DERL2: variants seen among roughly 807,000 people sequenced by gnomAD.
DERL2 encodes the protein derlin-2.
A neutral mutation model predicts 32.0 loss-of-function variants in DERL2; 13 were observed. The observed-to-expected ratio is 0.41, with a 90% CI of 0.26 to 0.65. DERL2 has a LOEUF of 0.65. Ranked by LOEUF, DERL2 falls within the 30% of genes least tolerant of loss-of-function variation. The pLI is 0.35. For synonymous variants in DERL2, 111 were observed against 104.7 expected (o/e 1.06, Z -0.37); for missense variants, 208 against 296.3 (o/e 0.70, Z 2.19).
At position 5,480,388 on chromosome 17, in the gene DERL2, C is replaced by T. The variant is rs1237506433; in HGVS notation, c.522G>A (p.Leu174=). The change falls in exon 5 of 7, where the codon TTG becomes TTA. Residue 174 remains leucine (L), a splice_region_variant and synonymous_variant. Coordinates refer to ENST00000158771, the MANE Select transcript of DERL2 (RefSeq NM_016041.5). ...LLGNSIIVDL[L]GIAVGHIYFF... ...AAAAAATAGTGAGAAGAGCCTTACCCAAAAGGTCCACAATGATTGAGTTCC... is the reference window on the plus strand; with the variant it reads ...AAAAAATAGTGAGAAGAGCCTTACCTAAAAGGTCCACAATGATTGAGTTCC... 6.2e-7 allele frequency: 1 copy of T among 1,610,060 alleles called. No individual in the cohort carries two copies. The highest frequency in any genetic ancestry group is 1.1e-5 in the South Asian group (1 of 89,914).
intron 1 of DERL2, 40 bp downstream of exon 1, chr17:5,486,029 C>T (rs1906242994): frequency 3.8e-6 from 6 of 1,584,952 alleles, no homozygotes; most frequent in Non-Finnish European, 5.2e-6. Flanking sequence ...CCAGTCATAT[C>T]CAGCCCAGAT....
intron 1 of DERL2, among the ~76,000 whole-genome samples, chr17:5,485,674 G>A (rs934840160): frequency 6.6e-6 from 1 of 152,100 alleles, no homozygotes; most frequent in Non-Finnish European, 1.5e-5. Flanking sequence ...TTTATTATAA[G>A]CCATTCCCCT....
In DERL2 at chr17:5,481,715, T is replaced by C. The variant is rs1905797137; in HGVS notation, c.234-326A>G. Among the ~76,000 whole-genome samples, 1 of 151,978 alleles carries C rather than the reference T, an allele frequency of 6.6e-6. No individual in the cohort carries two copies. ...CCTAGGATGGAGTGCAATGGTGCCA[T>C]ATCGGCTCACTGCAAGCTCCGCCTC... On this transcript the variant is annotated intron_variant, in intron 3 of 6. Transcript: ENST00000158771. This position sits in a 1 kb window ranked among gnomAD's most constrained non-coding sequence, Gnocchi z 4.4.
rs1212899199 is a variant in DERL2 at position 5,471,937 on chromosome 17, A to G, written c.*2747T>C. On this transcript the variant is annotated 3_prime_UTR_variant, in exon 7 of 7. Coordinates refer to ENST00000158771, the MANE Select transcript of DERL2 (RefSeq NM_016041.5). The stretch of plus-strand genomic sequence containing the variant: ...AGAGGCCCCAGAGACTGAGGGTTTC[A>G]TTATCCAGACCCAGGACTTAGGTGT... The G allele has an allele frequency of 6.6e-6, 1 of 152,246 alleles. No homozygotes were observed. Among genetic ancestry groups the G allele is most frequent in the African/African-American group, 2.4e-5 (1 of 41,446 alleles). 9.4% of individuals were successfully genotyped at this position (152,246 alleles called of 1,614,324 possible). A position where few individuals can be genotyped will look rare whatever the true frequency, so the allele number is the denominator to read the frequency against.
intron 4 of DERL2, chr17:5,480,884 G>A (rs1403210907): frequency 1.9e-5 from 9 of 462,314 alleles, no homozygotes; most frequent in East Asian, 3.4e-5. Flanking sequence ...GCTTGCTCAC[G>A]ATTAGCACCT....
intron 3 of DERL2, chr17:5,482,125 T>C (rs1372712368): frequency 6.6e-6 from 1 of 152,192 alleles, no homozygotes; most frequent in African/African-American, 2.4e-5. Flanking sequence ...TCAATAAAGA[T>C]GAATTACGAT....
intron 6 of DERL2, among the ~76,000 whole-genome samples, chr17:5,479,496 T>TAAAAAAAAAAAAAAACAAAA (rs1905621292): frequency 1.4e-5 from 1 of 69,400 alleles, no homozygotes; most frequent in Non-Finnish European, 3.1e-5. Flanking sequence ...AGACTCCATG[T>TAAAAAAAAAAAAAAACAAAA]AAAAAAAAAA....
intron 1 of DERL2, chr17:5,485,808 G>A (rs1026493912): frequency 7.8e-6 from 3 of 385,136 alleles, no homozygotes; most frequent in Non-Finnish European, 9.2e-6. Flanking sequence ...TTGGGTGGGA[G>A]GCTCCCGCAA....
chr17:5,486,082 G>A lies in DERL2; in HGVS notation c.80C>T (p.Thr27Ile). 6.2e-7 allele frequency: 1 copy of A among 1,611,188 alleles called. No individual in the cohort carries two copies. The highest frequency in any genetic ancestry group is 8.5e-7 in the Non-Finnish European group (1 of 1,178,728). Residue 27 changes from threonine (T) to isoleucine (I), a missense_variant, in exon 1 of 7, where the codon ACC becomes ATC. Thr to Ile is a moderately conservative substitution (Grantham distance 89). Transcript: ENST00000158771. ...SRAYTTACVL[T>I]TAAVQLELIT... ...GCAGCTGCTCACCACGGCGGCGGTG[G>A]TGAGGACGCAGGCAGTGGTGTAGGC...
rs750316847 is a variant in DERL2, at chr17:5,485,975, C to T, written c.93+94G>A. The stretch of plus-strand genomic sequence containing the variant: ...GCCTCCACCCATCCCCGGGACCAGC[C>T]CCTCTGGGCCTCCCCGAGGCCCAAA... On this transcript the variant is annotated intron_variant, in intron 1 of 6. Coordinates refer to ENST00000158771, the MANE Select transcript of DERL2 (RefSeq NM_016041.5). 3 of 1,165,408 alleles carry T rather than the reference C, an allele frequency of 2.6e-6. No homozygotes were observed. The Admixed American group carries it at 6.9e-5, about 27-fold the overall frequency. 72.2% of individuals were successfully genotyped at this position (1,165,408 alleles called of 1,614,324 possible).
chr17:5,486,245 G>A (rs1190389046), upstream of DERL2: 25 of 1,160,844 alleles, frequency 2.2e-5, no homozygotes, highest in Admixed American at 7.3e-4. Flanking sequence ...CGGGCCCAAA[G>A]GCCCCCCGCC....
intron 6 of DERL2, among the ~76,000 whole-genome samples, chr17:5,475,163 A>T (rs1394288351): frequency 6.6e-6 from 1 of 152,184 alleles, no homozygotes; most frequent in Non-Finnish European, 1.5e-5. Context: ...CCTGACTTTC[A>T]CATATTTATC....
chr17:5,476,652 A>T (rs972864611), intron 6 of DERL2, among the ~76,000 whole-genome samples: 1 of 152,148 alleles, frequency 6.6e-6, no homozygotes, highest in South Asian at 2.1e-4. Flanking sequence ...GTGGTGGCGC[A>T]TGCCTATGAT....
chr17:5,475,570 A>G (rs1188105191), intron 6 of DERL2, among the ~76,000 whole-genome samples: 2 of 151,752 alleles, frequency 1.3e-5, no homozygotes, highest in Admixed American at 1.3e-4. Flanking sequence ...ACATGGTGAA[A>G]CCCTGTCTCC....
rs1905700975 is a variant in DERL2 at position 5,480,466 on chromosome 17, G to A, written c.444C>T (p.Asn148=). Residue 148 remains asparagine (N), a synonymous_variant, in exon 5 of 7, where the codon AAC becomes AAT. Transcript: ENST00000158771. Reference sequence around the variant, plus strand: ...CCCAGGGCAGAAAGGGGGCCTGGAAGTTGAGAAGGCCGAAGAAGTTCATGC... The same window carrying A: ...CCCAGGGCAGAAAGGGGGCCTGGAAATTGAGAAGGCCGAAGAAGTTCATGC... ...YVRMNFFGLL[N]FQAPFLPWVL... 3 of 1,613,118 alleles carry A rather than the reference G, an allele frequency of 1.9e-6. No homozygotes were observed. The highest frequency in any genetic ancestry group is 1.3e-5 in the African/African-American group (1 of 74,840).
chr17:5,475,642 A>T (rs903097046), intron 6 of DERL2, among the ~76,000 whole-genome samples: 1 of 152,008 alleles, frequency 6.6e-6, no homozygotes, highest in Non-Finnish European at 1.5e-5. Flanking sequence ...GCTACTACTC[A>T]GGCGGCTGAG....
At chr17:5,477,953 C>T (rs1905497958) in intron 6 of DERL2, 1 of 152,256 alleles carries the variant, frequency 6.6e-6, no homozygotes. Flanking sequence ...TACCATTCTC[C>T]ACTTTAAAGG....
chr17:5,480,021 G>T (rs762019541), intron 6 of DERL2, 33 bp downstream of exon 6: 2 of 1,373,788 alleles, frequency 1.5e-6, no homozygotes, highest in South Asian at 1.2e-5. Flanking sequence ...TGGTTTGCCT[G>T]TAAGAGTATG....
chr17:5,480,565 CACAA>C lies in DERL2; in HGVS notation c.341_344del (p.Phe114Ter). 6.6e-7 allele frequency: 1 copy of C among 1,518,294 alleles called. No individual in the cohort carries two copies. Among genetic ancestry groups the C allele is most frequent in the Non-Finnish European group, 8.8e-7 (1 of 1,140,086 alleles). The allele number at this position is 1,518,294 out of a possible 1,614,324, so 94.1% of individuals were successfully genotyped here. A position where few individuals can be genotyped will look rare whatever the true frequency, so the allele number is the denominator to read the frequency against. On this transcript the variant is annotated frameshift_variant, in exon 5 of 7. Coordinates refer to ENST00000158771, the MANE Select transcript of DERL2 (RefSeq NM_016041.5). LOFTEE classifies it high-confidence loss of function. Reference sequence around the variant, plus strand: ...AGGCCTGGCCCAAGAAAACTAAGCTCACAAACAGACCAAAAAGCTAGCAGATGGC... The same window carrying C: ...AGGCCTGGCCCAAGAAAACTAAGCTCACAGACCAAAAAGCTAGCAGATGGC...
Sources: gnomAD v4.1 joint callset for allele counts (sites outside exome capture counted in the v4.1 genomes callset) on GRCh38, gnomAD v4.1.1 for gene constraint, Gnocchi (gnomAD v3.1) non-coding constraint, MANE v1.5 for transcripts, NCBI Gene and HGNC (gene_info 2026-07-23, HGNC 2026-07-21) for gene names.